PARD6G: variants seen among roughly 807,000 people sequenced by gnomAD.
The protein encoded by PARD6G is par-6 family cell polarity regulator gamma, also known as partitioning defective 6 homolog gamma.
Under a neutral mutation model 10.7 loss-of-function variants are expected in PARD6G, and 7 were observed. The observed-to-expected ratio is 0.66, with a 90% CI of 0.37 to 1.23. The LOEUF is 1.23. PARD6G is among the 50% of genes most tolerant of loss of function. The probability of loss-of-function intolerance (pLI) is 0.02; values close to 1 mark genes in which losing one functional copy is unlikely to be tolerated. For synonymous variants in PARD6G, 287 were observed against 269.4 expected (o/e 1.07, Z -0.64); for missense variants, 548 against 571.8 (o/e 0.96, Z 0.42).
chr18:80,244,676 G>A (rs1967524274), intron 1 of PARD6G, among the ~76,000 whole-genome samples: 2 of 152,140 alleles, frequency 1.3e-5, no homozygotes, highest in South Asian at 4.1e-4. Flanking sequence ...AAAGTTAAAT[G>A]ACTTGCCCAA....
At chr18:80,238,262 G>A (rs1213407618) in intron 1 of PARD6G, among the ~76,000 whole-genome samples, 1 of 152,124 alleles carries the variant, frequency 6.6e-6, no homozygotes, top group Non-Finnish European at 1.5e-5. Context: ...AACACTGCAT[G>A]TTCTCACTCA....
intron 2 of PARD6G, chr18:80,178,006 G>C: frequency 4.4e-5 from 5 of 114,202 alleles, no homozygotes; most frequent in East Asian, 2.6e-4. Context: ...CACACACAGA[G>C]GCATGGGATA....
At chr18:80,166,206 G>A (rs59263548) in intron 2 of PARD6G, among the ~76,000 whole-genome samples, 38,930 of 151,262 alleles carry the variant, frequency 0.26, 6,590 homozygotes, top group Non-Finnish European at 0.38. Flanking sequence ...TCATGTCAGC[G>A]GCACACAGCC....
intron 2 of PARD6G, among the ~76,000 whole-genome samples, chr18:80,196,486 A>G (rs1218732270): frequency 6.6e-6 from 1 of 152,274 alleles, no homozygotes; most frequent in Non-Finnish European, 1.5e-5. Flanking sequence ...AATCCAAATT[A>G]TAAATACATT....
At chr18:80,227,854 G>A in intron 1 of PARD6G, among the ~76,000 whole-genome samples, 1 of 151,764 alleles carries the variant, frequency 6.6e-6, no homozygotes, top group East Asian at 1.9e-4. Context: ...CAGACCACCA[G>A]GGCTTCAGAC....
At chr18:80,204,196 T>C (rs1367357101) in intron 1 of PARD6G, among the ~76,000 whole-genome samples, 2 of 152,174 alleles carry the variant, frequency 1.3e-5, no homozygotes, top group Non-Finnish European at 2.9e-5. Context: ...ACTAATTAGA[T>C]TGGTTCCAAA....
chr18:80,234,954 C>T (rs1233224475), intron 1 of PARD6G, among the ~76,000 whole-genome samples: 1 of 152,040 alleles, frequency 6.6e-6, no homozygotes, highest in African/African-American at 2.4e-5. Flanking sequence ...ATCAACGAGA[C>T]AGAAAATTAA....
At chr18:80,194,054 C>A (rs1966926509) in intron 2 of PARD6G, among the ~76,000 whole-genome samples, 1 of 152,178 alleles carries the variant, frequency 6.6e-6, no homozygotes, top group African/African-American at 2.4e-5. Flanking sequence ...CCAAATCTTG[C>A]TTACGTTTCT....
rs549368499 is a variant in PARD6G, at chr18:80,159,562, A to C, written c.*209T>G. On this transcript the variant is annotated 3_prime_UTR_variant, in exon 3 of 3. Transcript: ENST00000353265. ...AGACCTGCACTCAGGCCTGGTATAGAGTGTCTCTACAGGCGTTCATTTTAA... is the reference window on the plus strand; with the variant it reads ...AGACCTGCACTCAGGCCTGGTATAGCGTGTCTCTACAGGCGTTCATTTTAA... The C allele has an allele frequency of 1.4e-5, 10 of 698,552 alleles. No homozygotes were observed. Among genetic ancestry groups the C allele is most frequent in the Non-Finnish European group, 1.8e-5 (9 of 496,656 alleles). 43.3% of individuals were successfully genotyped at this position (698,552 alleles called of 1,614,324 possible). A position where few individuals can be genotyped will look rare whatever the true frequency, so the allele number is the denominator to read the frequency against.
chr18:80,186,233 C>G (rs560725432), intron 2 of PARD6G, among the ~76,000 whole-genome samples: 2 of 149,710 alleles, frequency 1.3e-5, no homozygotes, highest in East Asian at 2.0e-4. Context: ...CACACCCTCA[C>G]GCATGCATGC....
chr18:80,244,425 G>A (rs1001201939), intron 1 of PARD6G, among the ~76,000 whole-genome samples: 1 of 152,090 alleles, frequency 6.6e-6, no homozygotes, highest in Non-Finnish European at 1.5e-5. Context: ...ATGGCCCCTC[G>A]CGCACACACA....
rs1450467268 is a variant in PARD6G, at chr18:80,182,823, G to C, written c.295+19887C>G. ...TTTAAAAATGACAAGTTACTATTTT[G>C]GGCAGGACAAATGTTCCCAGAGAAC... On this transcript the variant is annotated intron_variant, in intron 2 of 2. Coordinates refer to ENST00000353265, the MANE Select transcript of PARD6G (RefSeq NM_032510.4). The surrounding 1 kb of genome is among the most constrained non-coding windows in gnomAD (Gnocchi z 4.5). The C allele has an allele frequency of 7.9e-6, 3 of 379,430 alleles. No individual in the cohort carries two copies. Among genetic ancestry groups the C allele is most frequent in the Admixed American group, 4.2e-5 (1 of 23,536 alleles). 23.5% of individuals were successfully genotyped at this position (379,430 alleles called of 1,614,324 possible). A position where few individuals can be genotyped will look rare whatever the true frequency, so the allele number is the denominator to read the frequency against.
At position 80,181,825 on chromosome 18, in the gene PARD6G, G is replaced by A. The variant is rs2052850047; in HGVS notation, c.295+20885C>T. On this transcript the variant is annotated intron_variant, in intron 2 of 2. Coordinates refer to ENST00000353265, the MANE Select transcript of PARD6G (RefSeq NM_032510.4). The surrounding 1 kb of genome is among the most constrained non-coding windows in gnomAD (Gnocchi z 7.9). Reference sequence around the variant, plus strand: ...CATGTGTGGGGACAGGCAGCTGGATGAAGCACCTCAGAGATCCACTGCCCA... The same window carrying A: ...CATGTGTGGGGACAGGCAGCTGGATAAAGCACCTCAGAGATCCACTGCCCA... Among the ~76,000 whole-genome samples the A allele has an allele frequency of 6.6e-6, 1 of 152,088 alleles. No individual in the cohort carries two copies. Among genetic ancestry groups the A allele is most frequent in the African/African-American group, 2.4e-5 (1 of 41,404 alleles).
chr18:80,246,435 C>A lies in PARD6G; in HGVS notation c.72+842G>T, dbSNP rs1489073080. Among the ~76,000 whole-genome samples the A allele has an allele frequency of 6.6e-6, 1 of 152,184 alleles. No homozygotes were observed. Among genetic ancestry groups the A allele is most frequent in the East Asian group, 1.9e-4 (1 of 5,178 alleles). ...AGACGCGCATCGCGACCCGCAAGTTCGGGCACGCTCCGCCCGGGCGCAGGC... is the reference window on the plus strand; with the variant it reads ...AGACGCGCATCGCGACCCGCAAGTTAGGGCACGCTCCGCCCGGGCGCAGGC... On this transcript the variant is annotated intron_variant, in intron 1 of 2. Transcript: ENST00000353265. The surrounding 1 kb of genome is among the most constrained non-coding windows in gnomAD (Gnocchi z 6.7).
intron 1 of PARD6G, among the ~76,000 whole-genome samples, chr18:80,234,206 A>G (rs951340337): frequency 1.3e-5 from 2 of 152,138 alleles, no homozygotes; most frequent in African/African-American, 4.8e-5. Context: ...GACCTCTGGC[A>G]CAGTGTCAGG....
chr18:80,174,834 G>A (rs2052799165), intron 2 of PARD6G, among the ~76,000 whole-genome samples: 1 of 152,050 alleles, frequency 6.6e-6, no homozygotes, highest in Admixed American at 6.5e-5. Flanking sequence ...GGCGCCTGTA[G>A]TCCCAGCTAC....
intron 1 of PARD6G, among the ~76,000 whole-genome samples, chr18:80,225,628 T>C (rs937942551): frequency 2.6e-5 from 4 of 152,242 alleles, no homozygotes; most frequent in Non-Finnish European, 4.4e-5. Context: ...ACTGCATTTC[T>C]ATTGTCCTTT....
intron 1 of PARD6G, among the ~76,000 whole-genome samples, chr18:80,234,402 C>A (rs1357232762): frequency 6.6e-6 from 1 of 152,158 alleles, no homozygotes; most frequent in South Asian, 2.1e-4. Context: ...ACCTTAAATT[C>A]TGTAAGATAA....
At position 80,160,099 on chromosome 18, in the gene PARD6G, G is replaced by A. The variant is rs775485963; in HGVS notation, c.803C>T (p.Pro268Leu). ...GAAGCCCGCGGTGCCGTCCGAGGGC[G>A]GTCCCGAGCTGCCCAACGCGCGGCC... Reference protein sequence around the residue: ...RGGRALGSSGPPSDGTAGFVG... With the variant: ...RGGRALGSSGLPSDGTAGFVG... Residue 268 changes from proline (P) to leucine (L), a missense_variant, in exon 3 of 3, where the codon CCG becomes CTG. Pro to Leu is a moderately conservative substitution (Grantham distance 98). This residue lies in a region of PARD6G where 313 missense variants were observed against 279.9 expected (regional missense o/e 1.12). Transcript: ENST00000353265. 2.5e-6 allele frequency: 4 copies of A among 1,604,904 alleles called. No individual in the cohort carries two copies. The highest frequency in any genetic ancestry group is 1.1e-5 in the South Asian group (1 of 90,144).
Sources: allele counts gnomAD v4.1 joint callset (sites outside exome capture counted in the v4.1 genomes callset), GRCh38; gene constraint gnomAD v4.1.1; regional missense constraint gnomAD v4.1.1; non-coding constraint Gnocchi (gnomAD v3.1); transcripts MANE v1.5; gene names NCBI Gene and HGNC (gene_info 2026-07-23, HGNC 2026-07-21).